Variants in AKAP13 observed in about 807,000 individuals in gnomAD.
AKAP13 encodes the protein A-kinase anchor protein 13.
In AKAP13, 80 loss-of-function variants were observed where a neutral mutation model predicts 264.5. The observed-to-expected ratio is 0.30, with a 90% CI of 0.25 to 0.36. The LOEUF is 0.36. AKAP13 is among the 10% of genes least tolerant of loss of function. AKAP13 has a pLI of 1.00. For synonymous variants in AKAP13, 1,380 were observed against 1,250.2 expected, an observed-to-expected ratio of 1.10 and a Z score of -2.19; for missense variants, 3,712 against 3,435.2, an observed-to-expected ratio of 1.08 and a Z score of -2.01.
intron 8 of AKAP13, among the ~76,000 whole-genome samples, chr15:85,632,980 C>G (rs2081911117): frequency 6.6e-6 from 1 of 151,402 alleles, no homozygotes; most frequent in South Asian, 2.1e-4. Context: ...ATTCTCCTGT[C>G]TCAGCCTCCC....
intron 1 of AKAP13, among the ~76,000 whole-genome samples, chr15:85,449,374 T>TA: frequency 6.6e-6 from 1 of 152,090 alleles, no homozygotes. Flanking sequence ...CATCTGCAAA[T>TA]AGAGATAGTT....
At chr15:85,705,477 C>A (rs1197388625) in intron 17 of AKAP13, among the ~76,000 whole-genome samples, 1 of 151,878 alleles carries the variant, frequency 6.6e-6, no homozygotes, top group Non-Finnish European at 1.5e-5. Context: ...ACTTTTTTAA[C>A]TGGATTATAA....
At chr15:85,444,344 G>T (rs1002674097) in intron 1 of AKAP13, among the ~76,000 whole-genome samples, 1 of 152,162 alleles carries the variant, frequency 6.6e-6, no homozygotes, top group Admixed American at 6.5e-5. Context: ...GCCCCTTCCA[G>T]ATTTCACCTT....
chr15:85,394,777 C>G (rs1437157506), intron 1 of AKAP13, among the ~76,000 whole-genome samples: 1 of 152,156 alleles, frequency 6.6e-6, no homozygotes, highest in Non-Finnish European at 1.5e-5. Flanking sequence ...TTCTTTTGTT[C>G]TGTGAAATGG....
intron 9 of AKAP13, 106 bp from the exon 10 acceptor site, chr15:85,645,712 A>G: frequency 1.7e-6 from 2 of 1,170,204 alleles, no homozygotes; most frequent in Non-Finnish European, 1.2e-6. Flanking sequence ...AGTGAGAGAG[A>G]GATTTAAAAG....
At chr15:85,691,929 T>C in intron 16 of AKAP13, 1 of 465,862 alleles carries the variant, frequency 2.1e-6, no homozygotes, top group Non-Finnish European at 4.3e-6. Flanking sequence ...TTTCCTGCCT[T>C]CCTGCACCCC....
chr15:85,743,646 A>C lies in AKAP13; in HGVS notation c.8213A>C (p.His2738Pro). The change falls in exon 36 of 37, where the codon CAC (histidine) becomes CCC (proline). Residue 2738 changes from histidine to proline, a missense_variant. Coordinates refer to ENST00000394518, the MANE Select transcript of AKAP13 (RefSeq NM_007200.5). Reference protein sequence around the residue: ...SPKRNSISRTHKDKGPFHILS... With the variant: ...SPKRNSISRTPKDKGPFHILS... Reference sequence around the variant, plus strand: ...AAAAGGAACAGCATCTCTCGGACACACAAAGATAAGGGGCCTTTTCACATA... The same window carrying C: ...AAAAGGAACAGCATCTCTCGGACACCCAAAGATAAGGGGCCTTTTCACATA... 6.2e-7 allele frequency: 1 copy of C among 1,614,228 alleles called. No individual in the cohort carries two copies. The highest frequency in any genetic ancestry group is 1.7e-5 in the Admixed American group (1 of 60,026).
intron 2 of AKAP13, among the ~76,000 whole-genome samples, chr15:85,495,335 A>G (rs147125070): frequency 6.6e-6 from 1 of 152,308 alleles, no homozygotes; most frequent in East Asian, 1.9e-4. Context: ...TGATCTGTGC[A>G]GCTGTAACTC....
At chr15:85,641,695 C>T (rs1272313035) in intron 9 of AKAP13, among the ~76,000 whole-genome samples, 1 of 151,578 alleles carries the variant, frequency 6.6e-6, no homozygotes, top group East Asian at 2.0e-4. Context: ...ACCATATTAG[C>T]CAGGATGGTC....
At chr15:85,532,117 G>A (rs989862450) in intron 3 of AKAP13, among the ~76,000 whole-genome samples, 1 of 152,170 alleles carries the variant, frequency 6.6e-6, no homozygotes, top group Non-Finnish European at 1.5e-5. Context: ...AATTGTTGTG[G>A]AGAGATGACT....
In AKAP13 at chr15:85,533,657, T is replaced by A. The variant is rs763895977; in HGVS notation, c.255T>A (p.Ala85=). ...AGGGCCTTCCCGTGTTTGTGGTGGC[T>A]GAAGAAGACTTTCATTTCGTCCAGG... ...SKEGLPVFVV[A]EEDFHFVQDE... The change falls in exon 4 of 37, where the codon GCT becomes GCA. Residue 85 remains alanine, a synonymous_variant. Coordinates refer to ENST00000394518, the MANE Select transcript of AKAP13 (RefSeq NM_007200.5). 7.4e-6 allele frequency: 12 copies of A among 1,614,098 alleles called. No individual in the cohort carries two copies. The highest frequency in any genetic ancestry group is 1.3e-5 in the African/African-American group (1 of 74,940).
At chr15:85,673,672 T>C (rs1285646296) in intron 14 of AKAP13, among the ~76,000 whole-genome samples, 43 of 113,080 alleles carry the variant, frequency 3.8e-4, no homozygotes, top group African/African-American at 1.1e-3. Flanking sequence ...CTTTCTTTTT[T>C]TTTTTTTTTT....
intron 2 of AKAP13, among the ~76,000 whole-genome samples, chr15:85,499,621 G>A (rs537061112): frequency 6.6e-6 from 1 of 152,048 alleles, no homozygotes; most frequent in East Asian, 1.9e-4. Flanking sequence ...AACTGTTAAC[G>A]GCATCTCTTC....
intron 1 of AKAP13, among the ~76,000 whole-genome samples, chr15:85,470,348 A>G (rs982221821): frequency 1.3e-5 from 2 of 152,178 alleles, no homozygotes; most frequent in African/African-American, 4.8e-5. Context: ...AAGAGTCCAT[A>G]GTAGAGGAGG....
intron 17 of AKAP13, among the ~76,000 whole-genome samples, chr15:85,707,111 G>A (rs1041666121): frequency 6.6e-6 from 1 of 152,202 alleles, no homozygotes; most frequent in Non-Finnish European, 1.5e-5. Context: ...GATTTCCTGA[G>A]TGAGCCCTTC....
rs181999801 is a variant in AKAP13 at position 85,524,921 on chromosome 15, A to T, written c.181+3346A>T. Among the ~76,000 whole-genome samples the T allele has an allele frequency of 4.1e-3, 624 of 151,360 alleles. 3 individuals carry two copies. Among genetic ancestry groups the T allele is most frequent in the Non-Finnish European group, 6.1e-3 (415 of 67,898 alleles). ...TGTGTGTCTGTGTGTAATTACAAAG[A>T]AGTTGTAAAGGCCTTTTAAAGTAGT... is the stretch of plus-strand genomic sequence containing the variant. On this transcript the variant is annotated intron_variant, in intron 3 of 36. Transcript: ENST00000394518.
At chr15:85,629,863 T>C (rs987899097) in intron 8 of AKAP13, among the ~76,000 whole-genome samples, 1 of 128,730 alleles carries the variant, frequency 7.8e-6, no homozygotes, top group African/African-American at 2.9e-5. Flanking sequence ...CACTGAAACC[T>C]CCACCTCCCG....
rs1400101669 is a variant in AKAP13, at chr15:85,710,664, C to T, written c.5599+19C>T. 4.3e-6 allele frequency: 7 copies of T among 1,610,850 alleles called. No individual in the cohort carries two copies. The highest frequency in any genetic ancestry group is 5.1e-6 in the Non-Finnish European group (6 of 1,178,770). ...AACAAGCGTAAGTAGCTCAGCCCAC[C>T]TCTCAATTCCCTTTCTGACTTTCTG... On this transcript the variant is annotated intron_variant, in intron 19 of 36. Transcript: ENST00000394518.
chr15:85,572,364 A>G (rs915157152), intron 5 of AKAP13, among the ~76,000 whole-genome samples: 1 of 152,220 alleles, frequency 6.6e-6, no homozygotes, highest in African/African-American at 2.4e-5. Flanking sequence ...CTTGAAAGCT[A>G]CATTGATAGA....
Sources: allele counts gnomAD v4.1 joint callset (sites outside exome capture counted in the v4.1 genomes callset), GRCh38; gene constraint gnomAD v4.1.1; transcripts MANE v1.5; gene names NCBI Gene and HGNC (gene_info 2026-07-23, HGNC 2026-07-21).